Variants in AKAIN1 observed in about 807,000 individuals in gnomAD.
The protein encoded by AKAIN1 is A-kinase anchor protein inhibitor 1.
AKAIN1 carries 3 observed loss-of-function variants against 3.7 expected under a neutral mutation model. That is an observed-to-expected ratio of 0.82 (90% CI 0.37 to 2.12). AKAIN1 has a LOEUF of 2.12. AKAIN1 is among the 30% of genes most tolerant of loss of function. AKAIN1 has a pLI of 0.06. For synonymous variants in AKAIN1, 31 were observed against 30.8 expected, an observed-to-expected ratio of 1.01 and a Z score of -0.02; for missense variants, 82 against 82.7, an observed-to-expected ratio of 0.99 and a Z score of 0.03.
At chr18:5,197,334 C>A, upstream of AKAIN1, 1 of 1,300,800 alleles carries the variant, frequency 7.7e-7, no homozygotes, top group Non-Finnish European at 9.8e-7. This position sits in a 1 kb window ranked among gnomAD's most constrained non-coding sequence, Gnocchi z 6.9. Context: ...AGCTCGGCGA[C>A]GTACACTGCT....
At chr18:5,181,240 T>A (rs2071256460) in intron 1 of AKAIN1, among the ~76,000 whole-genome samples, 2 of 152,098 alleles carry the variant, frequency 1.3e-5, no homozygotes, top group African/African-American at 4.8e-5. Context: ...TACAGTGAGC[T>A]GTGATTGCAC....
intron 1 of AKAIN1, among the ~76,000 whole-genome samples, chr18:5,158,558 C>T (rs2071121153): frequency 6.6e-6 from 1 of 152,224 alleles, no homozygotes; most frequent in Non-Finnish European, 1.5e-5. Flanking sequence ...CTAAAGGGGT[C>T]AGTTCTCCAC....
chr18:5,178,864 T>A (rs1021808668), intron 1 of AKAIN1, among the ~76,000 whole-genome samples: 1 of 152,140 alleles, frequency 6.6e-6, no homozygotes, highest in Admixed American at 6.5e-5. Flanking sequence ...GCACAGATAG[T>A]AATGGGGTGA....
At chr18:5,167,302 C>G (rs1177089280) in intron 1 of AKAIN1, among the ~76,000 whole-genome samples, 2 of 151,994 alleles carry the variant, frequency 1.3e-5, no homozygotes, top group African/African-American at 2.4e-5. Flanking sequence ...CATTCACATC[C>G]CAACCAGCAG....
At chr18:5,149,977 C>G (rs447117) in intron 1 of AKAIN1, among the ~76,000 whole-genome samples, 109,998 of 152,086 alleles carry the variant, frequency 0.72, 41,123 homozygotes, top group African/African-American at 0.91. Context: ...ACCACACTAG[C>G]CTCCAGGCCA....
intron 1 of AKAIN1, among the ~76,000 whole-genome samples, chr18:5,178,065 C>A (rs369859261): frequency 6.6e-6 from 1 of 152,086 alleles, no homozygotes; most frequent in South Asian, 2.1e-4. Context: ...CCTCAGTGCA[C>A]ATCCAGGTTG....
chr18:5,157,194 G>A (rs1035842636), intron 1 of AKAIN1, among the ~76,000 whole-genome samples: 7 of 152,118 alleles, frequency 4.6e-5, no homozygotes, highest in Non-Finnish European at 8.8e-5. Context: ...AGATCTGTGC[G>A]CTCCACACCC....
intron 1 of AKAIN1, among the ~76,000 whole-genome samples, chr18:5,165,715 G>A (rs1018736965): frequency 5.9e-5 from 9 of 152,044 alleles, no homozygotes; most frequent in Non-Finnish European, 1.2e-4. Flanking sequence ...AGGATAGCAG[G>A]TGTAGGCCTC....
At chr18:5,152,287 A>G (rs1204022180) in intron 1 of AKAIN1, among the ~76,000 whole-genome samples, 1 of 152,232 alleles carries the variant, frequency 6.6e-6, no homozygotes, top group African/African-American at 2.4e-5. Flanking sequence ...ATCACTTAAC[A>G]GGTTTTTCAG....
intron 1 of AKAIN1, among the ~76,000 whole-genome samples, chr18:5,178,824 G>A (rs977906191): frequency 1.3e-5 from 2 of 152,142 alleles, no homozygotes; most frequent in Non-Finnish European, 2.9e-5. Context: ...CTTTCCAGGT[G>A]CACCCAGCAC....
At chr18:5,197,547 ACT>A (rs1446268866), upstream of AKAIN1, 23 of 1,143,310 alleles carry the variant, frequency 2.0e-5, no homozygotes, top group Non-Finnish European at 2.4e-5. The surrounding 1 kb of genome is among the most constrained non-coding windows in gnomAD (Gnocchi z 6.9). Context: ...CTCGAGGATG[ACT>A]CTGAGTTCTC....
chr18:5,191,929 C>T (rs2071320783), intron 1 of AKAIN1, among the ~76,000 whole-genome samples: 1 of 152,110 alleles, frequency 6.6e-6, no homozygotes, highest in Non-Finnish European at 1.5e-5. Flanking sequence ...ATTTCTTATA[C>T]ACATATATTT....
At chr18:5,149,752 A>G (rs752156482) in intron 1 of AKAIN1, among the ~76,000 whole-genome samples, 3 of 152,222 alleles carry the variant, frequency 2.0e-5, no homozygotes, top group Non-Finnish European at 2.9e-5. Context: ...TCTTCAGTTG[A>G]AATTCCTGAA....
At chr18:5,161,862 C>A (rs2071141268) in intron 1 of AKAIN1, among the ~76,000 whole-genome samples, 1 of 152,012 alleles carries the variant, frequency 6.6e-6, no homozygotes, top group Non-Finnish European at 1.5e-5. Flanking sequence ...ATCTTTAATT[C>A]TTTGGATAAA....
Position 5,171,787 on chromosome 18 carries a change from C to T in AKAIN1, c.16+25251G>A, listed in dbSNP as rs560320833. ...ACTATGGAGAATAGTTTGGAGGTTC[C>T]TCAAAAAACTAAAAACAGAGGTACC... On this transcript the variant is annotated intron_variant, in intron 1 of 1. Transcript: ENST00000434239. Among the ~76,000 whole-genome samples, 8 of 152,138 alleles carry T rather than the reference C, an allele frequency of 5.3e-5. No individual in the cohort carries two copies. The East Asian group carries it at 1.5e-3, about 29-fold the overall frequency.
intron 1 of AKAIN1, among the ~76,000 whole-genome samples, chr18:5,181,572 A>G (rs1218691841): frequency 7.9e-5 from 12 of 152,148 alleles, no homozygotes; most frequent in Admixed American, 1.3e-4. Flanking sequence ...AGTAAAGGTC[A>G]TTAGTGAGAG....
intron 1 of AKAIN1, among the ~76,000 whole-genome samples, chr18:5,149,245 A>G (rs939904691): frequency 6.6e-6 from 1 of 152,222 alleles, no homozygotes; most frequent in African/African-American, 2.4e-5. Context: ...GAGAGGGATT[A>G]AGGTTGGGAG....
intron 1 of AKAIN1, among the ~76,000 whole-genome samples, chr18:5,165,307 G>A (rs1248369546): frequency 6.6e-6 from 1 of 151,974 alleles, no homozygotes. Flanking sequence ...TCTAACCCAT[G>A]CTTAACTTGT....
intron 1 of AKAIN1, among the ~76,000 whole-genome samples, chr18:5,179,757 A>G (rs568406151): frequency 1.3e-5 from 2 of 152,270 alleles, no homozygotes; most frequent in East Asian, 3.9e-4. Context: ...GACACACATC[A>G]AATACATCTG....
Sources: allele counts gnomAD v4.1 joint callset (sites outside exome capture counted in the v4.1 genomes callset), GRCh38; gene constraint gnomAD v4.1.1; non-coding constraint Gnocchi (gnomAD v3.1); transcripts MANE v1.5; gene names NCBI Gene and HGNC (gene_info 2026-07-23, HGNC 2026-07-21).